Variants in SLC9A7 observed in about 807,000 individuals in gnomAD.
The protein encoded by SLC9A7 is sodium/hydrogen exchanger 7.
In SLC9A7, 19 loss-of-function variants were observed where a neutral mutation model predicts 52.6. The ratio of observed to expected loss-of-function variants is 0.36; its 90% confidence interval spans 0.25 to 0.53. The LOEUF is 0.53. Ranked by LOEUF, SLC9A7 falls within the 20% of genes least tolerant of loss-of-function variation. The probability of loss-of-function intolerance (pLI) is 0.91; values close to 1 mark genes in which losing one functional copy is unlikely to be tolerated. For missense variants in SLC9A7, 455 were observed against 597.9 expected (o/e 0.76, Z 2.49); for synonymous variants, 226 against 252.1 (o/e 0.90, Z 0.98).
chrX:46,612,033 A>G (rs1182244755), intron 16 of SLC9A7, among the ~76,000 whole-genome samples: 1 of 111,614 alleles, frequency 9.0e-6, no homozygotes, highest in Non-Finnish European at 1.9e-5. Flanking sequence ...CCAATCAAGT[A>G]AACTGCAGGT....
intron 1 of SLC9A7, among the ~76,000 whole-genome samples, chrX:46,740,042 T>C (rs997717846): frequency 7.1e-5 from 8 of 111,898 alleles, no homozygotes; most frequent in African/African-American, 2.6e-4. Context: ...TAGAAAAAGA[T>C]AGTCCATGGT....
intron 1 of SLC9A7, among the ~76,000 whole-genome samples, chrX:46,737,690 A>C (rs1945141914): frequency 9.0e-6 from 1 of 111,533 alleles, no homozygotes. Context: ...ATTACAATGC[A>C]TTAGGTAATA....
intron 1 of SLC9A7, among the ~76,000 whole-genome samples, chrX:46,700,479 G>A (rs893551652): frequency 8.9e-6 from 1 of 112,125 alleles, no homozygotes; most frequent in African/African-American, 3.2e-5. Flanking sequence ...CATCAGCTAC[G>A]CTTTGAAATA....
intron 15 of SLC9A7, among the ~76,000 whole-genome samples, chrX:46,618,613 C>T (rs766508059): frequency 1.8e-5 from 2 of 112,105 alleles, no homozygotes; most frequent in East Asian, 5.6e-4. Flanking sequence ...GAGATCAATA[C>T]ATTGGATTAA....
At chrX:46,666,248 A>G (rs979936161) in intron 5 of SLC9A7, among the ~76,000 whole-genome samples, 1 of 111,641 alleles carries the variant, frequency 9.0e-6, no homozygotes, top group African/African-American at 3.3e-5. Context: ...CTGGAACTAT[A>G]GGCAATCACC....
At chrX:46,658,096 A>G (rs1245359837) in intron 7 of SLC9A7, among the ~76,000 whole-genome samples, 2 of 101,279 alleles carry the variant, frequency 2.0e-5, no homozygotes, top group African/African-American at 7.2e-5. Flanking sequence ...CTACATGGAA[A>G]CTGAACAACC....
chrX:46,731,922 A>C (rs1211448360), intron 1 of SLC9A7, among the ~76,000 whole-genome samples: 1 of 112,268 alleles, frequency 8.9e-6, no homozygotes, highest in Non-Finnish European at 1.9e-5. Flanking sequence ...GAGAAATGCA[A>C]ATTAAAATGA....
At chrX:46,615,334 C>T (rs184365618) in intron 15 of SLC9A7, among the ~76,000 whole-genome samples, 1 of 112,270 alleles carries the variant, frequency 8.9e-6, no homozygotes, top group African/African-American at 3.2e-5. Flanking sequence ...AGCCAACGCG[C>T]CCGGCCTGGA....
At chrX:46,625,382 G>A (rs1181041607) in intron 14 of SLC9A7, among the ~76,000 whole-genome samples, 1 of 110,139 alleles carries the variant, frequency 9.1e-6, no homozygotes, top group Non-Finnish European at 1.9e-5. Flanking sequence ...AGGTTATCCA[G>A]GTAGGCCCAG....
At position 46,682,483 on chromosome X, in the gene SLC9A7, A is replaced by G; in HGVS notation, c.378T>C (p.Arg126=). 1 of 1,211,612 alleles carries G rather than the reference A, an allele frequency of 8.3e-7. No individual in the cohort carries two copies. Among genetic ancestry groups the G allele is most frequent in the African/African-American group, 1.7e-5 (1 of 57,811 alleles). ...CCTGAGTGCAGCTGAGTGATTTGTC[A>G]CGGCCACTGGTAGCAGGGGTACCAT... ...LRYGTPATSG[R]DKSLSCTQED... is the part of the protein sequence containing the mutation. Residue 126 remains arginine, a synonymous_variant, in exon 2 of 17, where the codon CGT becomes CGC. Coordinates refer to ENST00000616978, the MANE Select transcript of SLC9A7 (RefSeq NM_001257291.2).
At chrX:46,669,815 T>C (rs1943989615) in intron 4 of SLC9A7, 96 bp from the exon 5 acceptor site, 1 of 391,455 alleles carries the variant, frequency 2.6e-6, no homozygotes, top group African/African-American at 2.6e-5. Context: ...TCTTAGAGAT[T>C]TATGAAAACA....
intron 1 of SLC9A7, among the ~76,000 whole-genome samples, chrX:46,716,782 T>A (rs965925564): frequency 5.3e-5 from 6 of 112,433 alleles, no homozygotes; most frequent in African/African-American, 1.9e-4. Context: ...ATTTTGATCA[T>A]AATGTGTTTC....
chrX:46,742,141 T>C (rs959658670), intron 1 of SLC9A7, among the ~76,000 whole-genome samples: 5 of 111,793 alleles, frequency 4.5e-5, no homozygotes, highest in African/African-American at 1.3e-4. Context: ...CTAAAGAGAA[T>C]GTGGAGCACT....
At chrX:46,735,456 T>C (rs951930991) in intron 1 of SLC9A7, among the ~76,000 whole-genome samples, 2 of 111,941 alleles carry the variant, frequency 1.8e-5, no homozygotes, top group African/African-American at 6.5e-5. Context: ...CATTTCACTT[T>C]TACATATGCT....
In SLC9A7 at chrX:46,606,265, G is replaced by A. The variant is rs1254728373; in HGVS notation, c.*687C>T. The A allele has an allele frequency of 2.7e-6, 2 of 744,291 alleles. No homozygotes were observed. The highest frequency in any genetic ancestry group is 4.6e-5 in the African/African-American group (2 of 43,051). The allele number at this position is 744,291 out of a possible 1,213,427, so 61.3% of individuals were successfully genotyped here. A position where few individuals can be genotyped will look rare whatever the true frequency, so the allele number is the denominator to read the frequency against. ...AAGAGTATAACACTATTTGCCTTTG[G>A]TTTTAAACATTTCATAACTACTTCT... On this transcript the variant is annotated 3_prime_UTR_variant, in exon 17 of 17. Coordinates refer to ENST00000616978, the MANE Select transcript of SLC9A7 (RefSeq NM_001257291.2).
chrX:46,691,200 G>A (rs1216342129), intron 1 of SLC9A7, among the ~76,000 whole-genome samples: 1 of 112,111 alleles, frequency 8.9e-6, no homozygotes, highest in Non-Finnish European at 1.9e-5. Context: ...GATTTATTGA[G>A]CTCTCACACA....
intron 10 of SLC9A7, among the ~76,000 whole-genome samples, chrX:46,649,881 T>C (rs1200889469): frequency 8.9e-6 from 1 of 112,715 alleles, no homozygotes; most frequent in Non-Finnish European, 1.9e-5. Flanking sequence ...CAGGCCCTCA[T>C]CTGTAAACAG....
At chrX:46,636,076 AAG>A (rs747807808) in intron 12 of SLC9A7, among the ~76,000 whole-genome samples, 30 of 112,301 alleles carry the variant, frequency 2.7e-4, no homozygotes, top group African/African-American at 9.1e-4. Context: ...ATTTGACAGA[AAG>A]AACAAAAAGC....
At chrX:46,660,795 T>C (rs1416727512) in intron 7 of SLC9A7, among the ~76,000 whole-genome samples, 1 of 108,472 alleles carries the variant, frequency 9.2e-6, no homozygotes, top group Non-Finnish European at 1.9e-5. Context: ...AGTTCAACCA[T>C]TGTGGAAGTC....
Sources: gnomAD v4.1 joint callset for allele counts (sites outside exome capture counted in the v4.1 genomes callset) on GRCh38, gnomAD v4.1.1 for gene constraint, MANE v1.5 for transcripts, NCBI Gene and HGNC (gene_info 2026-07-23, HGNC 2026-07-21) for gene names.